The following RBFOX1 variants were observed in gnomAD, a reference collection of about 807,000 sequenced individuals.
RBFOX1 encodes the protein RNA binding protein fox-1 homolog 1.
A neutral mutation model predicts 57.7 loss-of-function variants in RBFOX1; 8 were observed. That is an observed-to-expected ratio of 0.14 (90% confidence interval 0.08 to 0.25). The LOEUF (loss-of-function observed/expected upper bound fraction) is 0.25, where lower values mean the gene tolerates loss of function less well. Ranked by LOEUF, RBFOX1 falls within the 10% of genes least tolerant of loss-of-function variation. The pLI, the probability that RBFOX1 is intolerant of heterozygous loss-of-function variation, is 1.00. For missense variants in RBFOX1, 611 were observed against 548.5 expected (o/e 1.11, Z -1.14); for synonymous variants, 326 against 222.4 (o/e 1.47, Z -4.15).
chr16:5,305,405 T>C (rs2063908497), intron 1 of RBFOX1, among the ~76,000 whole-genome samples: 1 of 152,086 alleles, frequency 6.6e-6, no homozygotes, highest in Admixed American at 6.6e-5. Flanking sequence ...CTACAGAGGA[T>C]GACTGAGGAG....
chr16:7,510,555 G>A (rs79876750), intron 4 of RBFOX1, among the ~76,000 whole-genome samples: 7,486 of 152,050 alleles, frequency 0.049, 262 homozygotes, highest in East Asian at 0.12. Context: ...CTTGATGTGT[G>A]GAACTGAGCT....
intron 14 of RBFOX1, among the ~76,000 whole-genome samples, chr16:7,677,064 G>C (rs1285302633): frequency 6.6e-6 from 1 of 150,744 alleles, no homozygotes; most frequent in Non-Finnish European, 1.5e-5. Flanking sequence ...GAAAATGATA[G>C]CCTTGGTCCT....
intron 4 of RBFOX1, among the ~76,000 whole-genome samples, chr16:7,390,600 C>T (rs541571590): frequency 1.3e-4 from 20 of 152,268 alleles, no homozygotes; most frequent in East Asian, 1.2e-3. Flanking sequence ...TGCTATATTT[C>T]GCATTAACAC....
At chr16:6,000,360 A>T (rs2060575636) in intron 4 of RBFOX1, among the ~76,000 whole-genome samples, 1 of 152,116 alleles carries the variant, frequency 6.6e-6, no homozygotes, top group African/African-American at 2.4e-5. Context: ...GACCAGGGAG[A>T]GGCAGTAACA....
intron 4 of RBFOX1, among the ~76,000 whole-genome samples, chr16:5,970,437 C>G (rs1025184699): frequency 3.3e-5 from 5 of 152,144 alleles, no homozygotes; most frequent in Non-Finnish European, 7.3e-5. Flanking sequence ...CCAAGGCAGT[C>G]TCCTCTCTTG....
chr16:6,681,113 C>T (rs753054422), intron 3 of RBFOX1, among the ~76,000 whole-genome samples: 2 of 152,092 alleles, frequency 1.3e-5, no homozygotes, highest in Non-Finnish European at 2.9e-5. Flanking sequence ...GAGTTCGAGA[C>T]CATCCTGGGA....
chr16:7,358,011 A>C (rs889471369), intron 4 of RBFOX1, among the ~76,000 whole-genome samples: 1 of 152,182 alleles, frequency 6.6e-6, no homozygotes, highest in Admixed American at 6.5e-5. Context: ...CATGTGGGCT[A>C]ATGACTAGTG....
intron 4 of RBFOX1, among the ~76,000 whole-genome samples, chr16:7,059,319 A>G (rs928352346): frequency 2.6e-5 from 4 of 152,146 alleles, no homozygotes; most frequent in Non-Finnish European, 5.9e-5. Context: ...CACAGGATCC[A>G]TGAGTTCTTC....
chr16:5,560,222 C>T (rs2045841767), intron 2 of RBFOX1, among the ~76,000 whole-genome samples: 1 of 151,426 alleles, frequency 6.6e-6, no homozygotes, highest in South Asian at 2.1e-4. Flanking sequence ...TCTTTAGATT[C>T]TCAGCTCATA....
intron 1 of RBFOX1, among the ~76,000 whole-genome samples, chr16:6,116,994 G>C (rs1205222836): frequency 1.3e-5 from 2 of 152,152 alleles, no homozygotes; most frequent in Admixed American, 1.3e-4. Flanking sequence ...TCAAGAGCTA[G>C]AGTATTAAAC....
At chr16:7,016,000 G>A (rs2093891585) in intron 3 of RBFOX1, among the ~76,000 whole-genome samples, 1 of 152,136 alleles carries the variant, frequency 6.6e-6, no homozygotes, top group Non-Finnish European at 1.5e-5. Flanking sequence ...TTATTGCTGT[G>A]TGGTGATAGG....
chr16:7,511,417 G>T (rs1027140656), intron 4 of RBFOX1, among the ~76,000 whole-genome samples: 1 of 152,144 alleles, frequency 6.6e-6, no homozygotes, highest in African/African-American at 2.4e-5. Context: ...TCTGTCTCCT[G>T]AGTCCACTTC....
intron 3 of RBFOX1, among the ~76,000 whole-genome samples, chr16:5,742,856 A>T (rs1020118128): frequency 1.3e-5 from 2 of 152,192 alleles, no homozygotes; most frequent in African/African-American, 4.8e-5. Flanking sequence ...TAGCTTGAAG[A>T]ACTTCATTTG....
At chr16:7,091,010 A>G (rs998854871) in intron 4 of RBFOX1, among the ~76,000 whole-genome samples, 1 of 152,110 alleles carries the variant, frequency 6.6e-6, no homozygotes, top group Non-Finnish European at 1.5e-5. Context: ...ATTGGCACCT[A>G]CTCATCTAAT....
rs1158985803 is a variant in RBFOX1 at position 6,971,463 on chromosome 16, A to G, written c.-15-80594A>G. Among the ~76,000 whole-genome samples, 11 of 151,970 alleles carry G rather than the reference A, an allele frequency of 7.2e-5. No homozygotes were observed. The South Asian group carries it at 2.1e-3, about 29-fold the overall frequency. ...GGGGTTGGCAGGGGTCCCGCAGTGC[A>G]GAGCTTTTCAGATTGCAATATGAAG... On this transcript the variant is annotated intron_variant, in intron 3 of 15. Coordinates refer to ENST00000550418, the MANE Select transcript of RBFOX1 (RefSeq NM_018723.4).
intron 3 of RBFOX1, among the ~76,000 whole-genome samples, chr16:6,733,929 A>G (rs1267937235): frequency 1.3e-5 from 2 of 152,198 alleles, no homozygotes; most frequent in African/African-American, 2.4e-5. Flanking sequence ...GTTCTTAGAT[A>G]GTCTGAATAG....
At position 6,895,208 on chromosome 16, in the gene RBFOX1, A is replaced by C. The variant is rs148541145; in HGVS notation, c.-15-156849A>C. On this transcript the variant is annotated intron_variant, in intron 3 of 15. Transcript: ENST00000550418. The stretch of plus-strand genomic sequence containing the variant: ...TTTTGTGATGTTCTAGGAATTAAAG[A>C]ACAAGTCCAAACCTCAGAGACCAAA... Among the ~76,000 whole-genome samples the C allele has an allele frequency of 5.9e-3, 899 of 152,044 alleles. 18 individuals carry two copies. Among genetic ancestry groups the C allele is most frequent in the African/African-American group, 0.021 (862 of 41,492 alleles).
chr16:5,495,634 C>T (rs1054544155), intron 2 of RBFOX1, among the ~76,000 whole-genome samples: 1 of 152,242 alleles, frequency 6.6e-6, no homozygotes, highest in African/African-American at 2.4e-5. Context: ...CGGGACCCAA[C>T]ATGGTGCTGG....
chr16:6,458,808 C>G (rs1421007899), intron 2 of RBFOX1, among the ~76,000 whole-genome samples: 2 of 152,178 alleles, frequency 1.3e-5, no homozygotes, highest in Non-Finnish European at 2.9e-5. Context: ...ATTTCTAGGA[C>G]AAACACATCA....
Sources: allele counts gnomAD v4.1 joint callset (sites outside exome capture counted in the v4.1 genomes callset), GRCh38; gene constraint gnomAD v4.1.1; transcripts MANE v1.5; gene names NCBI Gene and HGNC (gene_info 2026-07-23, HGNC 2026-07-21).